Variants in LAIR2 observed in about 807,000 individuals in gnomAD.
LAIR2 encodes the protein leukocyte-associated immunoglobulin-like receptor 2.
LAIR2 carries 14 observed loss-of-function variants against 14.8 expected under a neutral mutation model. The observed-to-expected ratio is 0.95, with a 90% confidence interval of 0.62 to 1.48. LAIR2 has a LOEUF of 1.48. Ranked by LOEUF, LAIR2 falls within the 40% of genes most tolerant of loss-of-function variation. The probability of loss-of-function intolerance (pLI) is 0.00; values close to 1 mark genes in which losing one functional copy is unlikely to be tolerated. For missense variants in LAIR2, 172 were observed against 180.9 expected (o/e 0.95, Z 0.28); for synonymous variants, 75 against 74.5 (o/e 1.01, Z -0.03).
In LAIR2 at chr19:54,507,173, G is replaced by A. The variant is rs144674217; in HGVS notation, c.71-718G>A. On this transcript the variant is annotated intron_variant, in intron 2 of 4. Coordinates refer to ENST00000301202, the MANE Select transcript of LAIR2 (RefSeq NM_002288.6). ...CTTCCTGTTTCAGGGCGTCAAACCC[G>A]CCCTTCCTCCTCCACCCCAAGCCCA... Among the ~76,000 whole-genome samples the A allele has an allele frequency of 7.6e-3, 1,142 of 150,920 alleles. 15 individuals are homozygous for A. The highest frequency in any genetic ancestry group is 0.026 in the African/African-American group (1,078 of 41,208).
In LAIR2 at chr19:54,502,879, T is replaced by C; in HGVS notation, c.-40T>C. The C allele has an allele frequency of 1.2e-6, 2 of 1,613,862 alleles. No individual in the cohort carries two copies. Among genetic ancestry groups the C allele is most frequent in the African/African-American group, 2.7e-5 (2 of 75,048 alleles). Reference sequence around the variant, plus strand: ...CAGGAGGCCCCCGGCCAGCACATCCTGTCTGCTTGTGTCTGCTGCAGAGTT... The same window carrying C: ...CAGGAGGCCCCCGGCCAGCACATCCCGTCTGCTTGTGTCTGCTGCAGAGTT... On this transcript the variant is annotated 5_prime_UTR_variant, in exon 1 of 5. Transcript: ENST00000301202.
intron 2 of LAIR2, among the ~76,000 whole-genome samples, chr19:54,506,010 A>G (rs1277028684): frequency 3.3e-5 from 5 of 151,926 alleles, no homozygotes; most frequent in East Asian, 1.9e-4. Flanking sequence ...TTTTTAGTAG[A>G]GACGGGGATT....
At chr19:54,508,366 T>G (rs551591115) in intron 3 of LAIR2, among the ~76,000 whole-genome samples, 182 bp downstream of exon 3, 73 of 152,226 alleles carry the variant, frequency 4.8e-4, no homozygotes, top group African/African-American at 1.6e-3. Flanking sequence ...TCACACCTGC[T>G]TAGGTCCCTG....
chr19:54,504,348 A>G (rs1274338303), intron 2 of LAIR2, among the ~76,000 whole-genome samples: 14 of 152,188 alleles, frequency 9.2e-5, no homozygotes, highest in Admixed American at 6.5e-4. Context: ...CATTGTGGAA[A>G]GATTAAATAA....
chr19:54,507,757 A>T, intron 2 of LAIR2, 134 bp from the exon 3 acceptor site: 1 of 804,540 alleles, frequency 1.2e-6, no homozygotes, highest in Non-Finnish European at 2.0e-6. Context: ...GGAATGTTCT[A>T]AGGTTGGGCT....
In LAIR2 at chr19:54,508,172, C is replaced by G; in HGVS notation, c.352C>G (p.Leu118Val). The change falls in exon 3 of 5, where the codon CTG becomes GTG. Residue 118 changes from leucine (L) to valine (V), a missense_variant. By Grantham distance (32) the Leu-to-Val change is conservative. Transcript: ENST00000301202. Reference sequence around the variant, plus strand: ...GTCTGAGCACAGTGACTTCCTGGAGCTGCTGGTGAAAGGTGAGGACGTCAC... The same window carrying G: ...GTCTGAGCACAGTGACTTCCTGGAGGTGCTGGTGAAAGGTGAGGACGTCAC... Reference protein sequence around the residue: ...GWSEHSDFLELLVKESSGGPD... With the variant: ...GWSEHSDFLEVLVKESSGGPD... 1.9e-6 allele frequency: 3 copies of G among 1,612,072 alleles called. No individual in the cohort carries two copies. Among genetic ancestry groups the G allele is most frequent in the Non-Finnish European group, 2.5e-6 (3 of 1,179,230 alleles).
At position 54,506,201 on chromosome 19, in the gene LAIR2, G is replaced by A. The variant is rs181548954; in HGVS notation, c.71-1690G>A. 3.1e-3 allele frequency among the ~76,000 whole-genome samples: 479 copies of A among 152,218 alleles called. 8 individuals carry two copies. The highest frequency in any genetic ancestry group is 4.9e-4 in the Non-Finnish European group (33 of 68,028). Reference sequence around the variant, plus strand: ...ATGTATTTGTCATGTCCAATATGACGTTGTGGACTCTGCACACAGCGAGGA... The same window carrying A: ...ATGTATTTGTCATGTCCAATATGACATTGTGGACTCTGCACACAGCGAGGA... On this transcript the variant is annotated intron_variant, in intron 2 of 4. Transcript: ENST00000301202.
At chr19:54,503,610 G>C in intron 1 of LAIR2, 90 bp from the exon 2 acceptor site, 1 of 1,521,014 alleles carries the variant, frequency 6.6e-7, no homozygotes. Flanking sequence ...AATGCTGAAT[G>C]CCCCCCAGCT....
intron 2 of LAIR2, among the ~76,000 whole-genome samples, chr19:54,505,791 G>A (rs1307494625): frequency 1.3e-5 from 2 of 150,100 alleles, no homozygotes; most frequent in African/African-American, 4.9e-5. Flanking sequence ...TCCATATGCC[G>A]CTCAACATGG....
In LAIR2 at chr19:54,510,659, A is replaced by G. The variant is rs1161037759; in HGVS notation, c.*90A>G. The G allele has an allele frequency of 3.5e-6, 5 of 1,438,838 alleles. No homozygotes were observed. Among genetic ancestry groups the G allele is most frequent in the Middle Eastern group, 1.7e-4 (1 of 5,728 alleles). 89.1% of individuals were successfully genotyped at this position (1,438,838 alleles called of 1,614,324 possible). A position where few individuals can be genotyped will look rare whatever the true frequency, so the allele number is the denominator to read the frequency against. ...GAAATGCACAGATGCCTATACATAC[A>G]TATACAAATAAAAAGATACGATTCG... On this transcript the variant is annotated 3_prime_UTR_variant, in exon 5 of 5. Coordinates refer to ENST00000301202, the MANE Select transcript of LAIR2 (RefSeq NM_002288.6).
At chr19:54,503,982 G>T (rs1344266210) in intron 2 of LAIR2, among the ~76,000 whole-genome samples, 1 of 151,526 alleles carries the variant, frequency 6.6e-6, no homozygotes, top group Non-Finnish European at 1.5e-5. Context: ...TTTTGAGATG[G>T]AGTCTCACTC....
In LAIR2 at chr19:54,504,840, C is replaced by A. The variant is rs182973646; in HGVS notation, c.70+1105C>A. 3.5e-3 allele frequency among the ~76,000 whole-genome samples: 537 copies of A among 152,204 alleles called. 1 individual carries two copies. The highest frequency in any genetic ancestry group is 6.0e-3 in the Non-Finnish European group (408 of 68,020). On this transcript the variant is annotated intron_variant, in intron 2 of 4. Transcript: ENST00000301202. ...GGCCAGGCTGGTCTTGAACTCCTGACCTCAGGTGATCCACCCACCTCGGCC... is the reference window on the plus strand; with the variant it reads ...GGCCAGGCTGGTCTTGAACTCCTGAACTCAGGTGATCCACCCACCTCGGCC...
At position 54,508,372 on chromosome 19, in the gene LAIR2, C is replaced by T. The variant is rs371405951; in HGVS notation, c.364+188C>T. On this transcript the variant is annotated intron_variant, in intron 3 of 4. Coordinates refer to ENST00000301202, the MANE Select transcript of LAIR2 (RefSeq NM_002288.6). ...CCTCTGCCCTCACACCTGCTTAGGT[C>T]CCTGGAGCCCTGATCTCCTCTGGAC... Among the ~76,000 whole-genome samples the T allele has an allele frequency of 1.3e-3, 199 of 152,286 alleles. 4 individuals are homozygous for T. In the South Asian group the frequency reaches 0.039, roughly 30 times the overall value.
At chr19:54,510,464 A>G in intron 4 of LAIR2, 62 bp from the exon 5 acceptor site, 1 of 1,454,942 alleles carries the variant, frequency 6.9e-7, no homozygotes, top group Non-Finnish European at 9.6e-7. Flanking sequence ...ATCAGTGCTG[A>G]TTAGAAAACC....
chr19:54,508,804 T>C (rs1258537865), intron 3 of LAIR2, among the ~76,000 whole-genome samples: 3 of 152,270 alleles, frequency 2.0e-5, no homozygotes, highest in Non-Finnish European at 4.4e-5. Context: ...TCCCCTGAGG[T>C]CAAGAAGAGC....
chr19:54,507,946 G>C lies in LAIR2; in HGVS notation c.126G>C (p.Gly42=), dbSNP rs1264699120. The change falls in exon 3 of 5, where the codon GGG becomes GGC. Residue 42 remains glycine (G), a synonymous_variant. Coordinates refer to ENST00000301202, the MANE Select transcript of LAIR2 (RefSeq NM_002288.6). ...SAEPGTVISP[G]SHVTFMCRGP... is the part of the protein sequence containing the mutation. ...AGCCAGGCACTGTGATCTCCCCGGGGAGCCATGTGACTTTCATGTGCCGGG... is the reference window on the plus strand; with the variant it reads ...AGCCAGGCACTGTGATCTCCCCGGGCAGCCATGTGACTTTCATGTGCCGGG... The C allele has an allele frequency of 2.5e-6, 4 of 1,613,988 alleles. No individual in the cohort carries two copies. The highest frequency in any genetic ancestry group is 3.4e-6 in the Non-Finnish European group (4 of 1,180,028).
Position 54,510,589 on chromosome 19 carries a change from C to G in LAIR2, c.*20C>G, listed in dbSNP as rs542263370. 5 of 1,613,518 alleles carry G rather than the reference C, an allele frequency of 3.1e-6. No homozygotes were observed. The highest frequency in any genetic ancestry group is 1.6e-4 in the Middle Eastern group (1 of 6,062). ...CCATGAATGAGGAGAAATGGCCTCCCGTCTTGTGAACTTCAATGGGGAGAA... is the reference window on the plus strand; with the variant it reads ...CCATGAATGAGGAGAAATGGCCTCCGGTCTTGTGAACTTCAATGGGGAGAA... On this transcript the variant is annotated 3_prime_UTR_variant, in exon 5 of 5. Coordinates refer to ENST00000301202, the MANE Select transcript of LAIR2 (RefSeq NM_002288.6).
At position 54,510,626 on chromosome 19, in the gene LAIR2, G is replaced by C; in HGVS notation, c.*57G>C. ...TTCAATGGGGAGAAATAATTAGAAT[G>C]AGCAATAGAAATGCACAGATGCCTA... On this transcript the variant is annotated 3_prime_UTR_variant, in exon 5 of 5. Coordinates refer to ENST00000301202, the MANE Select transcript of LAIR2 (RefSeq NM_002288.6). 6.3e-7 allele frequency: 1 copy of C among 1,599,928 alleles called. No homozygotes were observed. Among genetic ancestry groups the C allele is most frequent in the East Asian group, 2.2e-5 (1 of 44,804 alleles).
intron 3 of LAIR2, 111 bp downstream of exon 3, chr19:54,508,295 C>G: frequency 9.3e-7 from 1 of 1,075,654 alleles, no homozygotes; most frequent in Non-Finnish European, 1.3e-6. Context: ...CACCGTTGCC[C>G]TCTTCCTGAC....
Sources: gnomAD v4.1 joint callset for allele counts (sites outside exome capture counted in the v4.1 genomes callset) on GRCh38, gnomAD v4.1.1 for gene constraint, MANE v1.5 for transcripts, NCBI Gene and HGNC (gene_info 2026-07-23, HGNC 2026-07-21) for gene names.